The following ANO3 variants were observed in gnomAD, a reference collection of about 807,000 sequenced individuals.
ANO3 encodes the protein anoctamin-3.
In ANO3, 99 loss-of-function variants were observed where a neutral mutation model predicts 144.8. That is an observed-to-expected ratio of 0.68 (90% CI 0.58 to 0.81). The LOEUF (loss-of-function observed/expected upper bound fraction) is 0.81, where lower values mean the gene tolerates loss of function less well. ANO3 is among the 30% of genes least tolerant of loss of function. The pLI, the probability that ANO3 is intolerant of heterozygous loss-of-function variation, is 0.00. For missense variants in ANO3, 905 were observed against 1,202.2 expected (o/e 0.75, Z 3.66); for synonymous variants, 414 against 392.6 (o/e 1.05, Z -0.64).
At chr11:26,443,965 T>C (rs1333053317) in intron 3 of ANO3, 129 bp downstream of exon 3, 2 of 514,386 alleles carry the variant, frequency 3.9e-6, no homozygotes, top group East Asian at 6.2e-5. Flanking sequence ...AATAGGTGAG[T>C]ATAATATTCT....
At chr11:26,310,414 A>G (rs1355760681) in intron 1 of ANO3, among the ~76,000 whole-genome samples, 1 of 152,224 alleles carries the variant, frequency 6.6e-6, no homozygotes, top group African/African-American at 2.4e-5. Flanking sequence ...TCACATGAGA[A>G]AACATAAAAT....
intron 23 of ANO3, among the ~76,000 whole-genome samples, chr11:26,644,463 G>C (rs1051330687): frequency 2.0e-5 from 3 of 152,194 alleles, no homozygotes; most frequent in African/African-American, 7.2e-5. Flanking sequence ...ATTTCCTCAG[G>C]ATACATTTCT....
intron 1 of ANO3, among the ~76,000 whole-genome samples, chr11:26,261,714 T>C (rs1429294802): frequency 1.3e-5 from 2 of 152,196 alleles, no homozygotes; most frequent in Non-Finnish European, 2.9e-5. Context: ...TTTGTCTGAA[T>C]CTCAATAGAC....
chr11:26,534,612 C>A (rs771365721), intron 9 of ANO3, 50 bp downstream of exon 9: 3 of 1,308,704 alleles, frequency 2.3e-6, no homozygotes, highest in South Asian at 1.2e-5. Flanking sequence ...ACTATTTATA[C>A]CCAGAATTAT....
rs1048093098 is a variant in ANO3, at chr11:26,404,499, TAGTG to T, written c.47-37415_47-37412del. ...TCCATTTAAAGAGGAAAAAATATTC[TAGTG>T]AGTAAGAGTATTGAAAAGATTAGAA... On this transcript the variant is annotated intron_variant, in intron 1 of 26. Coordinates refer to ENST00000256737, the MANE Select transcript of ANO3 (RefSeq NM_031418.4). Among the ~76,000 whole-genome samples, 88 of 151,936 alleles carry T rather than the reference TAGTG, an allele frequency of 5.8e-4. 1 individual carries two copies. Among genetic ancestry groups the T allele is most frequent in the African/African-American group, 2.0e-3 (82 of 41,534 alleles).
At chr11:26,585,475 C>T (rs1851249444) in intron 14 of ANO3, among the ~76,000 whole-genome samples, 1 of 152,120 alleles carries the variant, frequency 6.6e-6, no homozygotes. Flanking sequence ...CTCCCCTCCT[C>T]ACCATCCCTC....
At chr11:26,578,288 G>C (rs1341529998) in intron 14 of ANO3, among the ~76,000 whole-genome samples, 1 of 152,102 alleles carries the variant, frequency 6.6e-6, no homozygotes, top group Non-Finnish European at 1.5e-5. Context: ...TATGAGATTC[G>C]AATCTGTAAA....
At chr11:26,367,356 A>G (rs1273715949) in intron 1 of ANO3, among the ~76,000 whole-genome samples, 1 of 152,172 alleles carries the variant, frequency 6.6e-6, no homozygotes, top group Non-Finnish European at 1.5e-5. Context: ...TTGCTAGGAC[A>G]TAACATATGT....
intron 20 of ANO3, among the ~76,000 whole-genome samples, chr11:26,636,916 C>A (rs1427168722): frequency 6.6e-6 from 1 of 152,178 alleles, no homozygotes; most frequent in Non-Finnish European, 1.5e-5. Flanking sequence ...AAGATACCAA[C>A]AACTACCCTG....
chr11:26,589,301 A>G (rs61878564), intron 14 of ANO3, among the ~76,000 whole-genome samples: 6,330 of 141,028 alleles, frequency 0.045, 152 homozygotes, highest in Non-Finnish European at 0.055. Flanking sequence ...TGTAAATGTC[A>G]TAAAAGGTAA....
chr11:26,634,268 T>C lies in ANO3; in HGVS notation c.1938T>C (p.Phe646=). ...SFALKMFLFQ[F]VNLNSSIFYI... ...CCCTGAAGATGTTCCTCTTCCAGTT[T>C]GTCAATTTAAACAGTTCCATCTTCT... Residue 646 remains phenylalanine, a synonymous_variant, in exon 19 of 27, where the codon TTT becomes TTC. Coordinates refer to ENST00000256737, the MANE Select transcript of ANO3 (RefSeq NM_031418.4). 6.2e-7 allele frequency: 1 copy of C among 1,613,978 alleles called. No individual in the cohort carries two copies. The highest frequency in any genetic ancestry group is 2.2e-5 in the East Asian group (1 of 44,864).
chr11:26,638,707 C>T (rs1306745573), intron 20 of ANO3, among the ~76,000 whole-genome samples: 1 of 152,186 alleles, frequency 6.6e-6, no homozygotes, highest in Non-Finnish European at 1.5e-5. Context: ...TATGGGAACT[C>T]TGTACTATCT....
intron 14 of ANO3, chr11:26,565,688 T>C: frequency 6.2e-7 from 1 of 1,613,374 alleles, no homozygotes; most frequent in East Asian, 2.2e-5. Context: ...TTTCTTTATC[T>C]GAGTTTAAGT....
chr11:26,496,456 G>C (rs1860945650), intron 4 of ANO3, among the ~76,000 whole-genome samples: 1 of 152,148 alleles, frequency 6.6e-6, no homozygotes, highest in African/African-American at 2.4e-5. Context: ...CAGGGATGCA[G>C]CTTAGCTCTT....
At chr11:26,244,740 G>T (rs1852744409) in intron 1 of ANO3, among the ~76,000 whole-genome samples, 3 of 151,984 alleles carry the variant, frequency 2.0e-5, no homozygotes, top group African/African-American at 7.3e-5. Context: ...GTTAGTACTA[G>T]GTACTGCATC....
At position 26,562,320 on chromosome 11, in the gene ANO3, CTCA is replaced by C. The variant is rs1018433033; in HGVS notation, c.1447+2545_1447+2547del. ...GAGAAATATATCAGTTATATCTGAA[CTCA>C]TCAAAACTCAAATTCAGTAAGACTT... On this transcript the variant is annotated intron_variant, in intron 14 of 26. Transcript: ENST00000256737. Among the ~76,000 whole-genome samples the C allele has an allele frequency of 1.1e-3, 167 of 151,866 alleles. 2 individuals carry two copies. The highest frequency in any genetic ancestry group is 2.1e-3 in the Non-Finnish European group (141 of 67,838).
chr11:26,194,874 A>G (rs1851554104), intron 1 of ANO3, among the ~76,000 whole-genome samples: 1 of 152,106 alleles, frequency 6.6e-6, no homozygotes, highest in African/African-American at 2.4e-5. Flanking sequence ...CCATGTATAT[A>G]TATTTATGTG....
intron 1 of ANO3, among the ~76,000 whole-genome samples, chr11:26,211,474 C>G (rs1200222222): frequency 6.6e-6 from 1 of 152,098 alleles, no homozygotes; most frequent in Non-Finnish European, 1.5e-5. Context: ...TTCATGATTA[C>G]TGATCACTAC....
At chr11:26,381,515 A>G (rs1357910971) in intron 1 of ANO3, among the ~76,000 whole-genome samples, 1 of 152,194 alleles carries the variant, frequency 6.6e-6, no homozygotes, top group Non-Finnish European at 1.5e-5. Context: ...TATTTATGCA[A>G]AATTATTCAT....
Sources: allele counts gnomAD v4.1 joint callset (sites outside exome capture counted in the v4.1 genomes callset), GRCh38; gene constraint gnomAD v4.1.1; transcripts MANE v1.5; gene names NCBI Gene and HGNC (gene_info 2026-07-23, HGNC 2026-07-21).